Variants in CENPK observed in about 807,000 individuals in gnomAD.
The protein encoded by CENPK is SoxLZ/Sox6-binding protein Solt.
CENPK carries 46 observed loss-of-function variants against 40.9 expected under a neutral mutation model. The observed-to-expected ratio is 1.13, with a 90% CI of 0.89 to 1.44. CENPK has a LOEUF of 1.44. Ranked by LOEUF, CENPK falls within the 40% of genes most tolerant of loss-of-function variation. The pLI is 0.00. For missense variants in CENPK, 288 were observed against 303.5 expected (o/e 0.95, Z 0.38); for synonymous variants, 107 against 104.4 (o/e 1.02, Z -0.15).
chr5:65,550,529 C>T (rs989229269), intron 5 of CENPK: 1 of 152,122 alleles, frequency 6.6e-6, no homozygotes, highest in African/African-American at 2.4e-5. Context: ...GCTTGTGGTT[C>T]CTCAAAACAA....
At chr5:65,516,514 C>G (rs1561604890), downstream of CENPK, among the ~76,000 whole-genome samples, 1 of 152,020 alleles carries the variant, frequency 6.6e-6, no homozygotes, top group East Asian at 1.9e-4. Context: ...CTTCTGGACA[C>G]AGTCAAATGA....
intron 5 of CENPK, among the ~76,000 whole-genome samples, chr5:65,548,054 G>C (rs1288714880): frequency 6.6e-6 from 1 of 152,128 alleles, no homozygotes; most frequent in Non-Finnish European, 1.5e-5. Flanking sequence ...TTAAAGGAAA[G>C]AAAACAGAGC....
chr5:65,497,816 G>T, the CENPK span, among the ~76,000 whole-genome samples: 4 of 152,198 alleles, frequency 2.6e-5, no homozygotes, highest in Admixed American at 6.5e-5. Context: ...GCTGCAATGA[G>T]CTATGATTGT....
chr5:65,533,836 A>G (rs1021692117), intron 6 of CENPK, among the ~76,000 whole-genome samples: 1 of 151,952 alleles, frequency 6.6e-6, no homozygotes, highest in African/African-American at 2.4e-5. Context: ...AGGTCAGGAG[A>G]TCGAGACCAT....
chr5:65,536,464 T>C (rs775724222), intron 6 of CENPK, among the ~76,000 whole-genome samples: 3 of 151,630 alleles, frequency 2.0e-5, no homozygotes, highest in Non-Finnish European at 2.9e-5. Flanking sequence ...AAACCAAAAA[T>C]AAAAAATAAA....
At chr5:65,558,266 A>G (rs1191188816) in intron 2 of CENPK, among the ~76,000 whole-genome samples, 2 of 152,238 alleles carry the variant, frequency 1.3e-5, no homozygotes, top group East Asian at 3.8e-4. Flanking sequence ...GGGAGAAAAT[A>G]TAGCATCTTT....
At chr5:65,497,245 G>A in the CENPK span, among the ~76,000 whole-genome samples, 1 of 151,688 alleles carries the variant, frequency 6.6e-6, no homozygotes, top group African/African-American at 2.4e-5. Context: ...GCACATGCTT[G>A]TAATCCCAGC....
At chr5:65,527,546 T>C (rs1186939925) in intron 9 of CENPK, among the ~76,000 whole-genome samples, 1 of 64,336 alleles carries the variant, frequency 1.6e-5, no homozygotes, top group Non-Finnish European at 3.4e-5. Flanking sequence ...TATATATATA[T>C]ATATATATGA....
At chr5:65,517,251 T>C (rs1407008069), downstream of CENPK, among the ~76,000 whole-genome samples, 2 of 152,204 alleles carry the variant, frequency 1.3e-5, no homozygotes, top group Non-Finnish European at 2.9e-5. Context: ...CTCAATTACA[T>C]ATTTTTAATG....
chr5:65,556,019 A>G (rs768816187), intron 2 of CENPK, among the ~76,000 whole-genome samples: 9 of 152,236 alleles, frequency 5.9e-5, no homozygotes, highest in East Asian at 1.9e-4. Flanking sequence ...GACTGCACAT[A>G]TAACAGTGGT....
intron 6 of CENPK, among the ~76,000 whole-genome samples, chr5:65,532,043 C>T (rs1745938501): frequency 6.6e-6 from 1 of 151,882 alleles, no homozygotes; most frequent in South Asian, 2.1e-4. Context: ...CATAAATCAC[C>T]AATATCAGGA....
At chr5:65,502,505 TCTTTC>T in the CENPK span, among the ~76,000 whole-genome samples, 1 of 152,198 alleles carries the variant, frequency 6.6e-6, no homozygotes, top group Admixed American at 6.5e-5. Flanking sequence ...AGAAGTCCTC[TCTTTC>T]CTTTAAAACA....
At chr5:65,537,820 T>C (rs1747230786) in intron 6 of CENPK, among the ~76,000 whole-genome samples, 1 of 152,228 alleles carries the variant, frequency 6.6e-6, no homozygotes, top group African/African-American at 2.4e-5. Flanking sequence ...CATTAATTGA[T>C]GGATATTTGA....
intron 5 of CENPK, among the ~76,000 whole-genome samples, chr5:65,549,218 T>C (rs1186790996): frequency 2.0e-5 from 3 of 152,228 alleles, no homozygotes; most frequent in South Asian, 2.1e-4. Flanking sequence ...TTTTTTTTTT[T>C]CCTGAGTGGT....
At chr5:65,510,008 C>T in the CENPK span, among the ~76,000 whole-genome samples, 1 of 152,124 alleles carries the variant, frequency 6.6e-6, no homozygotes, top group Non-Finnish European at 1.5e-5. Flanking sequence ...CCCTTGTCTC[C>T]CTCTCCTTAA....
chr5:65,527,143 A>G (rs552493043), intron 9 of CENPK, among the ~76,000 whole-genome samples: 2 of 151,936 alleles, frequency 1.3e-5, no homozygotes, highest in African/African-American at 4.8e-5. Context: ...ATAAAAGAAC[A>G]CCTAAATTTC....
intron 5 of CENPK, among the ~76,000 whole-genome samples, chr5:65,544,988 T>G (rs1748637096): frequency 6.6e-6 from 1 of 152,196 alleles, no homozygotes. Context: ...CTGTGAACTA[T>G]ACACTTAAAA....
chr5:65,508,729 T>C, the CENPK span, among the ~76,000 whole-genome samples: 2 of 141,418 alleles, frequency 1.4e-5, no homozygotes, highest in African/African-American at 2.7e-5. Context: ...GAGGTTACAG[T>C]GAGCGGAGAT....
intron 6 of CENPK, among the ~76,000 whole-genome samples, chr5:65,534,840 G>A (rs535709341): frequency 7.1e-4 from 108 of 152,318 alleles, no homozygotes; most frequent in South Asian, 3.7e-3. Context: ...ACAGTTCTTA[G>A]ATTTGAGCTC....
Sources: allele counts gnomAD v4.1 joint callset (sites outside exome capture counted in the v4.1 genomes callset), GRCh38; gene constraint gnomAD v4.1.1; transcripts MANE v1.5; gene names NCBI Gene and HGNC (gene_info 2026-07-23, HGNC 2026-07-21).